Variants in SUCLG2 observed in about 807,000 individuals in gnomAD.
SUCLG2 encodes the protein succinate-CoA ligase GDP-forming subunit beta.
A neutral mutation model predicts 47.9 loss-of-function variants in SUCLG2; 42 were observed. The observed-to-expected ratio is 0.88, with a 90% CI of 0.69 to 1.14. The LOEUF is 1.14. Among genes scored for constraint, SUCLG2 ranks in the 50% most tolerant of loss-of-function variants. SUCLG2 has a pLI of 0.00. For synonymous variants in SUCLG2, 195 were observed against 197.3 expected (o/e 0.99, Z 0.10); for missense variants, 571 against 525.9 (o/e 1.09, Z -0.84).
At chr3:67,408,694 C>G in intron 9 of SUCLG2, 1 of 1,188,694 alleles carries the variant, frequency 8.4e-7, no homozygotes, top group East Asian at 3.9e-5. Flanking sequence ...CTATAATTTA[C>G]TCCTTGGTAG....
intron 7 of SUCLG2, among the ~76,000 whole-genome samples, chr3:67,501,353 G>A (rs1403435055): frequency 6.6e-6 from 1 of 152,042 alleles, no homozygotes; most frequent in Non-Finnish European, 1.5e-5. Context: ...TATTTGTTAC[G>A]CCTGTTTTAT....
Position 67,572,458 on chromosome 3 carries a change from G to C in SUCLG2, c.226+36997C>G, listed in dbSNP as rs534165460. Among the ~76,000 whole-genome samples, 23 of 152,240 alleles carry C rather than the reference G, an allele frequency of 1.5e-4. No individual in the cohort carries two copies. The East Asian group carries it at 4.4e-3, about 29-fold the overall frequency. On this transcript the variant is annotated intron_variant, in intron 2 of 10. Coordinates refer to ENST00000307227, the MANE Select transcript of SUCLG2 (RefSeq NM_003848.4). ...ATAAATAGCAGTACTACTAATTTCTGCTTGAGCTTCAACAACATTAAAATA... is the reference window on the plus strand; with the variant it reads ...ATAAATAGCAGTACTACTAATTTCTCCTTGAGCTTCAACAACATTAAAATA...
At chr3:67,629,969 T>C (rs1700898535) in intron 1 of SUCLG2, among the ~76,000 whole-genome samples, 1 of 152,242 alleles carries the variant, frequency 6.6e-6, no homozygotes, top group East Asian at 1.9e-4. Flanking sequence ...CTCTGCCCCC[T>C]TCTCATCTTG....
downstream of SUCLG2, chr3:67,374,715 G>C: frequency 1.1e-6 from 1 of 871,570 alleles, no homozygotes; most frequent in East Asian, 1.2e-4. Flanking sequence ...GATACACACA[G>C]ATCTTACAGC....
chr3:67,432,264 A>G (rs1703503411), intron 9 of SUCLG2, among the ~76,000 whole-genome samples: 1 of 152,234 alleles, frequency 6.6e-6, no homozygotes, highest in African/African-American at 2.4e-5. Flanking sequence ...TCAGTAAAGA[A>G]GCAGCAAGTA....
intron 9 of SUCLG2, among the ~76,000 whole-genome samples, chr3:67,440,421 A>C (rs1308709355): frequency 6.6e-6 from 1 of 152,232 alleles, no homozygotes; most frequent in Non-Finnish European, 1.5e-5. Context: ...ACAGAAAAAG[A>C]AATTATCACA....
At chr3:67,423,464 A>G (rs912646873) in intron 9 of SUCLG2, among the ~76,000 whole-genome samples, 6 of 152,172 alleles carry the variant, frequency 3.9e-5, no homozygotes, top group African/African-American at 1.4e-4. Flanking sequence ...TGTTTCCATT[A>G]CAGGGCTAAC....
chr3:67,627,673 TAG>T (rs372879195), intron 1 of SUCLG2, among the ~76,000 whole-genome samples: 9 of 152,238 alleles, frequency 5.9e-5, no homozygotes, highest in African/African-American at 2.2e-4. Flanking sequence ...GGCTGGCAGA[TAG>T]AGATGATATC....
At chr3:67,564,941 A>C (rs1707411162) in intron 2 of SUCLG2, among the ~76,000 whole-genome samples, 1 of 151,438 alleles carries the variant, frequency 6.6e-6, no homozygotes, top group African/African-American at 2.4e-5. Flanking sequence ...AATAAAATGT[A>C]CCTTGTATTC....
intron 2 of SUCLG2, among the ~76,000 whole-genome samples, chr3:67,588,233 T>C (rs1336243292): frequency 6.6e-6 from 1 of 152,208 alleles, no homozygotes; most frequent in Admixed American, 6.5e-5. Flanking sequence ...GAACTAAAAT[T>C]GGTCTTTGTT....
intron 9 of SUCLG2, chr3:67,408,882 T>A: frequency 6.8e-7 from 1 of 1,475,874 alleles, no homozygotes; most frequent in East Asian, 2.5e-5. Flanking sequence ...TCCATGTTCG[T>A]TCCACTCCCT....
chr3:67,394,951 A>C (rs1456705638), intron 10 of SUCLG2, among the ~76,000 whole-genome samples: 1 of 152,226 alleles, frequency 6.6e-6, no homozygotes. Context: ...GAAATGAAAT[A>C]CTTTACAGAC....
chr3:67,467,360 G>C (rs1350504510), intron 9 of SUCLG2, among the ~76,000 whole-genome samples: 2 of 152,108 alleles, frequency 1.3e-5, no homozygotes, highest in Non-Finnish European at 2.9e-5. Context: ...AAGCTCAAAG[G>C]GTTTGGTCAA....
chr3:67,576,694 C>T (rs1283767876), intron 2 of SUCLG2, among the ~76,000 whole-genome samples: 1 of 152,096 alleles, frequency 6.6e-6, no homozygotes, highest in Admixed American at 6.6e-5. Context: ...CACATTTTTC[C>T]CAACTGTTGA....
chr3:67,514,519 A>C (rs1486598150), intron 6 of SUCLG2, among the ~76,000 whole-genome samples: 1 of 152,184 alleles, frequency 6.6e-6, no homozygotes, highest in East Asian at 1.9e-4. Context: ...ACTGACTTGG[A>C]CCATCCGATC....
chr3:67,517,110 G>A (rs1403000752), intron 6 of SUCLG2, among the ~76,000 whole-genome samples: 1 of 152,144 alleles, frequency 6.6e-6, no homozygotes, highest in Non-Finnish European at 1.5e-5. Flanking sequence ...CTCATCCTGA[G>A]GTTTAGTTCC....
In SUCLG2 at chr3:67,562,498, G is replaced by A. The variant is rs146691120; in HGVS notation, c.227-33312C>T. Reference sequence around the variant, plus strand: ...TCGCCATGTTGGCCAGGCTGGTCTCGAACTCCTGGCCTCAAATGATCCACC... The same window carrying A: ...TCGCCATGTTGGCCAGGCTGGTCTCAAACTCCTGGCCTCAAATGATCCACC... On this transcript the variant is annotated intron_variant, in intron 2 of 10. Coordinates refer to ENST00000307227, the MANE Select transcript of SUCLG2 (RefSeq NM_003848.4). 7.6e-3 allele frequency among the ~76,000 whole-genome samples: 1,164 copies of A among 152,214 alleles called. 12 individuals carry two copies. The highest frequency in any genetic ancestry group is 0.026 in the African/African-American group (1,082 of 41,532).
intron 10 of SUCLG2, among the ~76,000 whole-genome samples, chr3:67,387,747 C>T (rs1702291497): frequency 6.6e-6 from 1 of 152,110 alleles, no homozygotes; most frequent in South Asian, 2.1e-4. Context: ...AGAGGTCTAT[C>T]TGAGATACTA....
At chr3:67,495,634 G>C (rs13322044) in intron 9 of SUCLG2, among the ~76,000 whole-genome samples, 164 bp downstream of exon 9, 1 of 146,460 alleles carries the variant, frequency 6.8e-6, no homozygotes, top group Non-Finnish European at 1.5e-5. Context: ...CCTGGGCAAC[G>C]GAGTAAGACT....
Sources: gnomAD v4.1 joint callset for allele counts (sites outside exome capture counted in the v4.1 genomes callset) on GRCh38, gnomAD v4.1.1 for gene constraint, MANE v1.5 for transcripts, NCBI Gene and HGNC (gene_info 2026-07-23, HGNC 2026-07-21) for gene names.